The following SOX5 variants were observed in gnomAD, a reference collection of about 807,000 sequenced individuals.
The protein encoded by SOX5 is SRY-box transcription factor 5.
SOX5 carries 9 observed loss-of-function variants against 92.0 expected under a neutral mutation model. That is an observed-to-expected ratio of 0.10 (90% CI 0.06 to 0.17). The LOEUF is 0.17. SOX5 is among the 10% of genes least tolerant of loss of function. The pLI is 1.00. For synonymous variants in SOX5, 344 were observed against 336.3 expected, an observed-to-expected ratio of 1.02 and a Z score of -0.25; for missense variants, 642 against 944.5, an observed-to-expected ratio of 0.68 and a Z score of 4.20.
chr12:24,320,443 CTATT>C (rs1400936411), intron 2 of SOX5, among the ~76,000 whole-genome samples: 1 of 152,150 alleles, frequency 6.6e-6, no homozygotes, highest in African/African-American at 2.4e-5. Flanking sequence ...ATTCCTATAT[CTATT>C]CTTCAGAGCA....
chr12:24,464,480 A>G (rs1313137411), intron 1 of SOX5, among the ~76,000 whole-genome samples: 3 of 152,090 alleles, frequency 2.0e-5, no homozygotes, highest in Admixed American at 6.5e-5. Flanking sequence ...AGCTGGGACT[A>G]CAGGTGCCCA....
rs768157437 is a variant in SOX5 at position 24,355,282 on chromosome 12, CTTTT to C, written c.-174+13277_-174+13280del. ...TTAGCAGGTGTGGTGAGGGGTGCAT[CTTTT>C]TTTTTTTTTTTTTTTTTTTTTTTTT... is the stretch of plus-strand genomic sequence containing the variant. On this transcript the variant is annotated intron_variant, in intron 2 of 4. Transcript: ENST00000446891. Among the ~76,000 whole-genome samples the C allele has an allele frequency of 3.9e-4, 28 of 71,934 alleles. 1 individual carries two copies. Among genetic ancestry groups the C allele is most frequent in the African/African-American group, 1.8e-3 (25 of 13,614 alleles). 47.2% of individuals were successfully genotyped at this position (71,934 alleles called of 152,430 possible). A position where few individuals can be genotyped will look rare whatever the true frequency, so the allele number is the denominator to read the frequency against.
chr12:23,550,964 C>A (rs12049954), intron 11 of SOX5, among the ~76,000 whole-genome samples: 4,929 of 152,050 alleles, frequency 0.032, 113 homozygotes, highest in Non-Finnish European at 0.047. Flanking sequence ...ATCTATTACT[C>A]CCTGAAACTG....
intron 1 of SOX5, among the ~76,000 whole-genome samples, chr12:24,488,185 TA>T (rs35355833): frequency 6.6e-6 from 1 of 151,858 alleles, no homozygotes; most frequent in Non-Finnish European, 1.5e-5. Flanking sequence ...TACTTAAGGT[TA>T]AAAAAAATTA....
At chr12:23,642,093 A>G (rs981082848) in intron 7 of SOX5, among the ~76,000 whole-genome samples, 2 of 152,152 alleles carry the variant, frequency 1.3e-5, no homozygotes, top group African/African-American at 4.8e-5. Flanking sequence ...TTTGTCATAT[A>G]TTTTTATATT....
chr12:24,048,295 T>C (rs886474098), intron 4 of SOX5, among the ~76,000 whole-genome samples: 1 of 152,160 alleles, frequency 6.6e-6, no homozygotes, highest in African/African-American at 2.4e-5. Context: ...AATTTAGATG[T>C]ATTATAAAAC....
chr12:23,592,335 AT>A (rs1951688521), intron 9 of SOX5, among the ~76,000 whole-genome samples: 1 of 152,232 alleles, frequency 6.6e-6, no homozygotes, highest in Non-Finnish European at 1.5e-5. Context: ...AAAAACCAAA[AT>A]GATAAAACAT....
At chr12:24,218,884 T>C (rs556255663) in intron 3 of SOX5, among the ~76,000 whole-genome samples, 1 of 152,158 alleles carries the variant, frequency 6.6e-6, no homozygotes, top group Non-Finnish European at 1.5e-5. Flanking sequence ...CTTCAGAGAT[T>C]AGTCTTTCAA....
rs543792851 is a variant in SOX5 at position 23,671,230 on chromosome 12, A to G, written c.811-5666T>C. On this transcript the variant is annotated intron_variant, in intron 6 of 14. Transcript: ENST00000451604. The stretch of plus-strand genomic sequence containing the variant: ...TTAAATTACATACACAAATGTTAAA[A>G]TGAAAGGCAGCTCTATGGTTTATAT... 3.9e-5 allele frequency among the ~76,000 whole-genome samples: 6 copies of G among 152,310 alleles called. No homozygotes were observed. The South Asian group carries it at 1.2e-3, about 32-fold the overall frequency.
At chr12:23,742,794 CCAGACTGGA>C in intron 4 of SOX5, among the ~76,000 whole-genome samples, 1 of 152,174 alleles carries the variant, frequency 6.6e-6, no homozygotes, top group Non-Finnish European at 1.5e-5. Context: ...GAGTTCGAGA[CCAGACTGGA>C]CAACATAGCA....
intron 2 of SOX5, among the ~76,000 whole-genome samples, chr12:23,890,136 AT>A (rs1295050857): frequency 1.3e-5 from 2 of 152,164 alleles, no homozygotes; most frequent in Non-Finnish European, 2.9e-5. Context: ...CCTGGCCAAC[AT>A]GGCAAAACCC....
intron 8 of SOX5, among the ~76,000 whole-genome samples, chr12:23,614,677 A>T (rs1469837806): frequency 6.6e-6 from 1 of 152,068 alleles, no homozygotes; most frequent in Non-Finnish European, 1.5e-5. Context: ...ATGTCCTAGG[A>T]TTGGATTTGT....
intron 4 of SOX5, among the ~76,000 whole-genome samples, chr12:23,744,633 T>C (rs922724014): frequency 6.6e-6 from 1 of 152,186 alleles, no homozygotes; most frequent in Non-Finnish European, 1.5e-5. Context: ...ATGTTCATAT[T>C]AGTAAATAAT....
At chr12:23,845,645 A>G (rs201127092) in intron 3 of SOX5, among the ~76,000 whole-genome samples, 14 of 133,600 alleles carry the variant, frequency 1.0e-4, no homozygotes, top group East Asian at 5.4e-4. Flanking sequence ...TCCTCAAGGG[A>G]AAAAAAAATG....
chr12:23,787,757 T>A (rs2095406628), intron 3 of SOX5, among the ~76,000 whole-genome samples: 1 of 151,868 alleles, frequency 6.6e-6, no homozygotes, highest in East Asian at 1.9e-4. Context: ...TTAGTATAGG[T>A]TGATTAAAAA....
At chr12:23,772,475 G>A (rs890937355) in intron 3 of SOX5, among the ~76,000 whole-genome samples, 9 of 152,146 alleles carry the variant, frequency 5.9e-5, no homozygotes, top group African/African-American at 2.2e-4. Context: ...TGAAATACGT[G>A]TATGTCTTTT....
At chr12:24,123,090 T>G (rs1380699063) in intron 4 of SOX5, among the ~76,000 whole-genome samples, 3 of 152,220 alleles carry the variant, frequency 2.0e-5, no homozygotes, top group Non-Finnish European at 2.9e-5. Flanking sequence ...TCTGTGCACC[T>G]CATGTGCCCT....
At chr12:23,570,377 C>T (rs1236686921) in intron 10 of SOX5, among the ~76,000 whole-genome samples, 2 of 152,206 alleles carry the variant, frequency 1.3e-5, no homozygotes, top group African/African-American at 4.8e-5. Context: ...ATATCTACAA[C>T]TTCCTGATAA....
chr12:24,310,461 A>G (rs1054580819), intron 2 of SOX5, among the ~76,000 whole-genome samples: 1 of 152,136 alleles, frequency 6.6e-6, no homozygotes, highest in African/African-American at 2.4e-5. Context: ...TTGAAAGAAC[A>G]TTTTTTTAAC....
Sources: gnomAD v4.1 joint callset for allele counts (sites outside exome capture counted in the v4.1 genomes callset) on GRCh38, gnomAD v4.1.1 for gene constraint, MANE v1.5 for transcripts, NCBI Gene and HGNC (gene_info 2026-07-23, HGNC 2026-07-21) for gene names.